The following FAM13A variants were observed in gnomAD, a reference collection of about 807,000 sequenced individuals.
The protein encoded by FAM13A is family with sequence similarity 13 member A.
Under a neutral mutation model 129.6 loss-of-function variants are expected in FAM13A, and 76 were observed. The observed-to-expected ratio is 0.59, with a 90% CI of 0.49 to 0.71. The LOEUF (loss-of-function observed/expected upper bound fraction) is 0.71. FAM13A is among the 30% of genes least tolerant of loss of function. The probability of loss-of-function intolerance (pLI) is 0.00; values close to 1 mark genes in which losing one functional copy is unlikely to be tolerated. For missense variants in FAM13A, 1,108 were observed against 1,249.3 expected (o/e 0.89, Z 1.70); for synonymous variants, 443 against 449.9 (o/e 0.98, Z 0.20).
chr4:88,746,461 A>G (rs1194550385), intron 19 of FAM13A, among the ~76,000 whole-genome samples: 2 of 152,204 alleles, frequency 1.3e-5, no homozygotes, highest in Non-Finnish European at 2.9e-5. Context: ...ACTTCTTTAC[A>G]AACACTAGTT....
intron 3 of FAM13A, among the ~76,000 whole-genome samples, chr4:89,010,167 C>A (rs930349929): frequency 1.3e-5 from 2 of 152,082 alleles, no homozygotes; most frequent in African/African-American, 4.8e-5. Flanking sequence ...TATGTACTGA[C>A]CTTGTATGGA....
intron 13 of FAM13A, among the ~76,000 whole-genome samples, chr4:88,761,890 G>T (rs983089469): frequency 6.6e-6 from 1 of 151,850 alleles, no homozygotes; most frequent in East Asian, 1.9e-4. Context: ...AACTATGGTG[G>T]ACAAAATAAA....
Position 88,863,262 on chromosome 4 carries a change from G to A in FAM13A, c.844-12079C>T, listed in dbSNP as rs574544525. ...CCAATGACCAATGCTTTAATTAATC[G>A]TGCCCACCTAATGGAACCTCCATAA... On this transcript the variant is annotated intron_variant, in intron 6 of 23. Coordinates refer to ENST00000264344, the MANE Select transcript of FAM13A (RefSeq NM_014883.4). Among the ~76,000 whole-genome samples, 4 of 152,186 alleles carry A rather than the reference G, an allele frequency of 2.6e-5. No individual in the cohort carries two copies. In the South Asian group the frequency reaches 8.3e-4, roughly 32 times the overall value.
chr4:88,976,537 A>G (rs916640944), intron 4 of FAM13A, among the ~76,000 whole-genome samples: 1 of 152,184 alleles, frequency 6.6e-6, no homozygotes, highest in African/African-American at 2.4e-5. Context: ...TTTGTCAACA[A>G]CAAACCAAAT....
chr4:88,906,544 T>G (rs1168665693), intron 5 of FAM13A, 82 bp from the exon 6 acceptor site: 23 of 899,406 alleles, frequency 2.6e-5, no homozygotes, highest in African/African-American at 1.7e-5. Flanking sequence ...GAAAAACAGT[T>G]TTGAAGAGAG....
intron 19 of FAM13A, among the ~76,000 whole-genome samples, chr4:88,741,488 C>T (rs1470946862): frequency 6.6e-6 from 1 of 152,278 alleles, no homozygotes; most frequent in Non-Finnish European, 1.5e-5. Context: ...CCTTGAGTCA[C>T]GGTACTGACG....
intron 4 of FAM13A, among the ~76,000 whole-genome samples, chr4:88,954,249 T>C (rs1019904714): frequency 7.9e-5 from 12 of 152,232 alleles, no homozygotes; most frequent in Non-Finnish European, 1.8e-4. Flanking sequence ...TAATACTTAT[T>C]AACAAAAGTG....
At chr4:88,808,820 T>C (rs1389566314) in intron 7 of FAM13A, among the ~76,000 whole-genome samples, 1 of 152,032 alleles carries the variant, frequency 6.6e-6, no homozygotes, top group Non-Finnish European at 1.5e-5. Context: ...ATTTGGGCAA[T>C]CACCTCATTT....
At chr4:88,859,909 C>T (rs1392198404) in intron 6 of FAM13A, among the ~76,000 whole-genome samples, 4 of 152,086 alleles carry the variant, frequency 2.6e-5, no homozygotes, top group Non-Finnish European at 5.9e-5. Flanking sequence ...TTTGTATCTC[C>T]TGCCTGTAAG....
intron 3 of FAM13A, among the ~76,000 whole-genome samples, chr4:89,020,199 A>T (rs1454154878): frequency 6.6e-6 from 1 of 152,100 alleles, no homozygotes; most frequent in Non-Finnish European, 1.5e-5. Flanking sequence ...TTATGGAAAG[A>T]CCACAAATAT....
rs114237754 is a variant in FAM13A, at chr4:88,957,974, G to A, written c.606-19733C>T. ...TATTTCTAACAACCTATGCTCAGATGTGAGAGCAAAGAAATGACTAAAAGT... is the reference window on the plus strand; with the variant it reads ...TATTTCTAACAACCTATGCTCAGATATGAGAGCAAAGAAATGACTAAAAGT... On this transcript the variant is annotated intron_variant, in intron 4 of 23. Transcript: ENST00000264344. Among the ~76,000 whole-genome samples, 612 of 152,202 alleles carry A rather than the reference G, an allele frequency of 4.0e-3. 7 individuals are homozygous for A. The highest frequency in any genetic ancestry group is 0.014 in the African/African-American group (583 of 41,534).
Position 88,768,037 on chromosome 4 carries a change from G to A in FAM13A, c.1481C>T (p.Thr494Ile). 6.2e-7 allele frequency: 1 copy of A among 1,606,978 alleles called. No individual in the cohort carries two copies. Among genetic ancestry groups the A allele is most frequent in the East Asian group, 2.2e-5 (1 of 44,744 alleles). Reference protein sequence around the residue: ...GLVNMESLNSTRSHERTGPDD... With the variant: ...GLVNMESLNSIRSHERTGPDD... ...AGGTCCAGTTCTCTCATGAGATCGTGTGGAATTGAGACTTTCCATATTCTG... is the reference window on the plus strand; with the variant it reads ...AGGTCCAGTTCTCTCATGAGATCGTATGGAATTGAGACTTTCCATATTCTG... Residue 494 changes from threonine to isoleucine, a missense_variant, in exon 12 of 24, where the codon ACA (threonine) becomes ATA (isoleucine). By Grantham distance (89) the Thr-to-Ile change is moderately conservative. Coordinates refer to ENST00000264344, the MANE Select transcript of FAM13A (RefSeq NM_014883.4).
intron 4 of FAM13A, among the ~76,000 whole-genome samples, chr4:88,952,710 G>T (rs1281567827): frequency 6.6e-6 from 1 of 151,806 alleles, no homozygotes; most frequent in Non-Finnish European, 1.5e-5. Flanking sequence ...CACTTTGGGA[G>T]GCCGAGGTGG....
intron 5 of FAM13A, among the ~76,000 whole-genome samples, chr4:88,916,365 C>G (rs1037412727): frequency 6.6e-6 from 1 of 152,136 alleles, no homozygotes; most frequent in Non-Finnish European, 1.5e-5. Flanking sequence ...TGGAGAAGCT[C>G]CATCTAACAA....
chr4:88,821,486 C>T (rs1195029400), intron 7 of FAM13A, among the ~76,000 whole-genome samples: 2 of 152,122 alleles, frequency 1.3e-5, no homozygotes, highest in Non-Finnish European at 2.9e-5. Flanking sequence ...TAGCTTTAAT[C>T]GTTTTGATTG....
At chr4:88,991,420 A>T (rs1430923321) in intron 3 of FAM13A, among the ~76,000 whole-genome samples, 1 of 152,184 alleles carries the variant, frequency 6.6e-6, no homozygotes, top group Non-Finnish European at 1.5e-5. Flanking sequence ...CCTGGGCAAC[A>T]GGGAGAGACT....
At chr4:89,036,886 G>T (rs774720322) in intron 1 of FAM13A, among the ~76,000 whole-genome samples, 8 of 152,208 alleles carry the variant, frequency 5.3e-5, no homozygotes, top group Admixed American at 1.3e-4. Flanking sequence ...CACATATTAA[G>T]CCTATGGGTG....
chr4:88,893,622 C>CG (rs1240039520), intron 6 of FAM13A, among the ~76,000 whole-genome samples: 1 of 127,468 alleles, frequency 7.8e-6, no homozygotes, highest in African/African-American at 3.0e-5. Context: ...GACTCTGTCT[C>CG]AATGAATGAA....
At chr4:88,924,913 T>C (rs1266065727) in intron 5 of FAM13A, among the ~76,000 whole-genome samples, 1 of 151,810 alleles carries the variant, frequency 6.6e-6, no homozygotes, top group Non-Finnish European at 1.5e-5. Context: ...CAGACACTTT[T>C]CAAAAGAAGA....
Sources: gnomAD v4.1 joint callset for allele counts (sites outside exome capture counted in the v4.1 genomes callset) on GRCh38, gnomAD v4.1.1 for gene constraint, MANE v1.5 for transcripts, NCBI Gene and HGNC (gene_info 2026-07-23, HGNC 2026-07-21) for gene names.